The following MCF2L2 variants were observed in gnomAD, a reference collection of about 807,000 sequenced individuals.
MCF2L2 encodes the protein probable guanine nucleotide exchange factor MCF2L2.
Under a neutral mutation model 150.2 loss-of-function variants are expected in MCF2L2, and 102 were observed. The observed-to-expected ratio is 0.68, with a 90% CI of 0.58 to 0.80. The LOEUF (loss-of-function observed/expected upper bound fraction) is 0.80. MCF2L2 is among the 30% of genes least tolerant of loss of function. MCF2L2 has a pLI of 0.00. For missense variants in MCF2L2, 1,256 were observed against 1,372.8 expected, an observed-to-expected ratio of 0.91 and a Z score of 1.34; for synonymous variants, 465 against 491.3, an observed-to-expected ratio of 0.95 and a Z score of 0.71.
At chr3:183,381,010 T>C (rs1279915118) in intron 2 of MCF2L2, among the ~76,000 whole-genome samples, 1 of 152,230 alleles carries the variant, frequency 6.6e-6, no homozygotes, top group Non-Finnish European at 1.5e-5. Flanking sequence ...TTATTGCTTT[T>C]GGCCTAGGGG....
intron 3 of MCF2L2, among the ~76,000 whole-genome samples, chr3:183,346,665 T>C (rs768280952): frequency 2.0e-5 from 3 of 152,190 alleles, no homozygotes; most frequent in Non-Finnish European, 4.4e-5. Flanking sequence ...GAAAACTCCA[T>C]AGTCTCAGCC....
chr3:183,289,319 C>T (rs115012491), intron 13 of MCF2L2, 99 bp from the exon 14 acceptor site: 11,792 of 773,682 alleles, frequency 0.015, 196 homozygotes, highest in African/African-American at 0.04. Flanking sequence ...GTCAATGTGG[C>T]TAACTATAAA....
chr3:183,338,756 C>T, intron 5 of MCF2L2, 44 bp downstream of exon 5: 1 of 1,559,192 alleles, frequency 6.4e-7, no homozygotes, highest in Non-Finnish European at 8.7e-7. Context: ...CCATCTTAGC[C>T]AGAAGCCCTA....
intron 2 of MCF2L2, among the ~76,000 whole-genome samples, chr3:183,389,268 A>G (rs1173405514): frequency 6.6e-6 from 1 of 152,224 alleles, no homozygotes; most frequent in Non-Finnish European, 1.5e-5. Flanking sequence ...ATGAGCTAAG[A>G]GTAAAAGACA....
chr3:183,306,558 G>T (rs576622445), intron 10 of MCF2L2, among the ~76,000 whole-genome samples: 1 of 152,188 alleles, frequency 6.6e-6, no homozygotes, highest in Non-Finnish European at 1.5e-5. Context: ...GCGAGAAAGC[G>T]AGTGATGCTA....
intron 27 of MCF2L2, among the ~76,000 whole-genome samples, chr3:183,183,702 T>C (rs1721603138): frequency 6.6e-6 from 1 of 152,176 alleles, no homozygotes; most frequent in Admixed American, 6.5e-5. Context: ...GCCTGGTACA[T>C]CATAGGAATT....
At chr3:183,205,237 G>A (rs895862251) in intron 25 of MCF2L2, among the ~76,000 whole-genome samples, 2 of 152,058 alleles carry the variant, frequency 1.3e-5, no homozygotes, top group African/African-American at 4.8e-5. Flanking sequence ...AAATTAGCCA[G>A]GCGTGTTGGC....
chr3:183,199,767 C>T (rs1250413483), intron 25 of MCF2L2, among the ~76,000 whole-genome samples: 10 of 137,474 alleles, frequency 7.3e-5, no homozygotes, highest in Non-Finnish European at 1.3e-4. Flanking sequence ...TGCTATCTAT[C>T]CCTTCCCCCT....
At chr3:183,290,693 G>C (rs115462821) in intron 13 of MCF2L2, among the ~76,000 whole-genome samples, 3,038 of 152,004 alleles carry the variant, frequency 0.02, 59 homozygotes, top group East Asian at 0.051. Flanking sequence ...ACCACCATAC[G>C]CAGCTAATTT....
At chr3:183,383,544 GT>G (rs1297111053) in intron 2 of MCF2L2, among the ~76,000 whole-genome samples, 4 of 151,116 alleles carry the variant, frequency 2.6e-5, no homozygotes, top group South Asian at 2.1e-4. Flanking sequence ...CGGCCAAGAG[GT>G]TTTTTTTTAA....
At chr3:183,386,630 G>A (rs763577587) in intron 2 of MCF2L2, among the ~76,000 whole-genome samples, 2 of 152,218 alleles carry the variant, frequency 1.3e-5, no homozygotes, top group African/African-American at 2.4e-5. Context: ...AAATTTTGTA[G>A]GGAAAATCTT....
chr3:183,278,555 C>T (rs1052993140), intron 14 of MCF2L2, among the ~76,000 whole-genome samples: 54 of 152,166 alleles, frequency 3.5e-4, no homozygotes, highest in African/African-American at 1.2e-3. Flanking sequence ...TATGACATTA[C>T]TATGCCTGAA....
intron 3 of MCF2L2, chr3:183,373,323 A>G (rs1425400328): frequency 6.6e-6 from 1 of 152,238 alleles, no homozygotes; most frequent in Non-Finnish European, 1.5e-5. Context: ...TTGTAATTCA[A>G]TAGTTCCTTA....
chr3:183,200,557 C>A (rs1463919420), intron 25 of MCF2L2, among the ~76,000 whole-genome samples: 1 of 152,170 alleles, frequency 6.6e-6, no homozygotes, highest in Admixed American at 6.5e-5. Context: ...TAAACATTTT[C>A]TCCCATTCTG....
At chr3:183,215,346 A>G (rs753045048) in intron 22 of MCF2L2, among the ~76,000 whole-genome samples, 107 of 148,114 alleles carry the variant, frequency 7.2e-4, no homozygotes, top group Admixed American at 3.4e-3. Context: ...TCGAATATTA[A>G]CTATGCTCCA....
chr3:183,216,845 TCCACCCA>T (rs1038720232), intron 21 of MCF2L2, among the ~76,000 whole-genome samples: 2 of 151,092 alleles, frequency 1.3e-5, no homozygotes, highest in Non-Finnish European at 2.9e-5. Context: ...CCTCAGGTGA[TCCACCCA>T]CCTTGGCCTC....
rs551187877 is a variant in MCF2L2 at position 183,258,843 on chromosome 3, G to A, written c.1862+18029C>T. On this transcript the variant is annotated intron_variant, in intron 15 of 29. Coordinates refer to ENST00000328913, the MANE Select transcript of MCF2L2 (RefSeq NM_015078.4). ...TGAGTCAAATGATCCTCCTGCCTCC[G>A]CCTCCCAAGTAGTTGGGATTACAAG... Among the ~76,000 whole-genome samples, 6 of 152,056 alleles carry A rather than the reference G, an allele frequency of 3.9e-5. No homozygotes were observed. In the East Asian group the frequency reaches 7.7e-4, roughly 20 times the overall value.
In MCF2L2 at chr3:183,205,966, C is replaced by T; in HGVS notation, c.2806-12G>A. The T allele has an allele frequency of 1.2e-6, 2 of 1,609,910 alleles. No individual in the cohort carries two copies. Among genetic ancestry groups the T allele is most frequent in the East Asian group, 4.5e-5 (2 of 44,840 alleles). On this transcript the variant is annotated splice_polypyrimidine_tract_variant and intron_variant, in intron 24 of 29. Coordinates refer to ENST00000328913, the MANE Select transcript of MCF2L2 (RefSeq NM_015078.4). ...TCTTTTGAAGCTGCCTGCAATCACA[C>T]ATAAGAAAACACTATAAGACTACCA... is the stretch of plus-strand genomic sequence containing the variant.
At chr3:183,257,634 C>T (rs1460836207) in intron 15 of MCF2L2, among the ~76,000 whole-genome samples, 1 of 151,984 alleles carries the variant, frequency 6.6e-6, no homozygotes, top group Non-Finnish European at 1.5e-5. Flanking sequence ...CTTTTTGTAC[C>T]TCTGTGTTAT....
Sources: allele counts gnomAD v4.1 joint callset (sites outside exome capture counted in the v4.1 genomes callset), GRCh38; gene constraint gnomAD v4.1.1; transcripts MANE v1.5; gene names NCBI Gene and HGNC (gene_info 2026-07-23, HGNC 2026-07-21).